GTF2H3: variants seen among roughly 807,000 people sequenced by gnomAD.
The protein encoded by GTF2H3 is general transcription factor IIH subunit 3, also known as TFIIH basal transcription factor complex p34 subunit.
A neutral mutation model predicts 51.1 loss-of-function variants in GTF2H3; 42 were observed. The observed-to-expected ratio is 0.82, with a 90% CI of 0.64 to 1.06. The LOEUF is 1.06. Among genes scored for constraint, GTF2H3 ranks in the 50% least tolerant of loss-of-function variants. GTF2H3 has a pLI of 0.00. For synonymous variants in GTF2H3, 123 were observed against 123.8 expected (o/e 0.99, Z 0.04); for missense variants, 326 against 366.1 (o/e 0.89, Z 0.89).
chr12:123,654,178 T>C (rs1955554532), intron 7 of GTF2H3, among the ~76,000 whole-genome samples: 1 of 149,932 alleles, frequency 6.7e-6, no homozygotes. Flanking sequence ...GGTGTGTGTA[T>C]GTATTTGGGG....
intron 2 of GTF2H3, chr12:123,639,870 T>C (rs1195980393): frequency 4.8e-6 from 2 of 414,758 alleles, no homozygotes; most frequent in Non-Finnish European, 9.8e-6. Flanking sequence ...AGGTTTTACA[T>C]GTGCTCACTT....
chr12:123,652,274 G>A (rs1358541555), intron 5 of GTF2H3, among the ~76,000 whole-genome samples: 2 of 152,162 alleles, frequency 1.3e-5, no homozygotes, highest in Admixed American at 6.5e-5. Context: ...GTAAGAATAG[G>A]ACAGTCAAGT....
At chr12:123,658,998 A>G (rs899245443) in intron 9 of GTF2H3, among the ~76,000 whole-genome samples, 1 of 152,220 alleles carries the variant, frequency 6.6e-6, no homozygotes, top group Non-Finnish European at 1.5e-5. Flanking sequence ...TCAAAACCAC[A>G]ATGAGCTATT....
At chr12:123,648,842 C>CG (rs1955484868) in intron 4 of GTF2H3, among the ~76,000 whole-genome samples, 1 of 152,136 alleles carries the variant, frequency 6.6e-6, no homozygotes, top group South Asian at 2.1e-4. Context: ...TTTATAGGGA[C>CG]GGGGTCTCAC....
At position 123,659,938 on chromosome 12, in the gene GTF2H3, A is replaced by G. The variant is rs1439715036; in HGVS notation, c.820+8A>G. ...GTTCTGTGTGTTTGTCAAGTAAGTTAATGTACCTAGTTTTTCTTTTTTTTC... is the reference window on the plus strand; with the variant it reads ...GTTCTGTGTGTTTGTCAAGTAAGTTGATGTACCTAGTTTTTCTTTTTTTTC... On this transcript the variant is annotated splice_region_variant and intron_variant, in intron 11 of 12. Transcript: ENST00000543341. 3 of 1,610,960 alleles carry G rather than the reference A, an allele frequency of 1.9e-6. No individual in the cohort carries two copies. The highest frequency in any genetic ancestry group is 1.7e-6 in the Non-Finnish European group (2 of 1,179,354).
chr12:123,660,293 T>C lies in GTF2H3; in HGVS notation c.*58T>C. 1 of 1,250,852 alleles carries C rather than the reference T, an allele frequency of 8.0e-7. No individual in the cohort carries two copies. The highest frequency in any genetic ancestry group is 1.1e-6 in the Non-Finnish European group (1 of 877,562). 77.5% of individuals were successfully genotyped at this position (1,250,852 alleles called of 1,614,324 possible). On this transcript the variant is annotated 3_prime_UTR_variant, in exon 13 of 13. Coordinates refer to ENST00000543341, the MANE Select transcript of GTF2H3 (RefSeq NM_001516.5). ...TTAATAGAAATTATATAGCAGATTC[T>C]TTGTTGGGAAGACTGAAAAAAATAA...
chr12:123,637,816 C>A (rs999463213), intron 1 of GTF2H3, among the ~76,000 whole-genome samples: 1 of 152,076 alleles, frequency 6.6e-6, no homozygotes, highest in South Asian at 2.1e-4. Flanking sequence ...AAAAGTGACT[C>A]TTAATTACGA....
chr12:123,649,416 T>A (rs1955492529), intron 4 of GTF2H3: 1 of 152,308 alleles, frequency 6.6e-6, no homozygotes, highest in Non-Finnish European at 1.5e-5. Context: ...ATCCCCCAGT[T>A]GTGACAACCA....
At position 123,660,222 on chromosome 12, in the gene GTF2H3, A is replaced by G. The variant is rs1224312811; in HGVS notation, c.914A>G (p.Lys305Arg). ...PVLKAKKKKL[K>R]VSA is the part of the protein sequence containing the mutation. ...CTGAAAGCCAAGAAAAAGAAACTGA[A>G]AGTGTCTGCCTGAGGATAAAATATT... is the stretch of plus-strand genomic sequence containing the variant. The change falls in exon 13 of 13, where the codon AAA becomes AGA. Residue 305 changes from lysine (K) to arginine (R), a missense_variant. Lys to Arg is a conservative substitution (Grantham distance 26). Coordinates refer to ENST00000543341, the MANE Select transcript of GTF2H3 (RefSeq NM_001516.5). 5 of 1,609,358 alleles carry G rather than the reference A, an allele frequency of 3.1e-6. No individual in the cohort carries two copies. The highest frequency in any genetic ancestry group is 2.7e-5 in the African/African-American group (2 of 74,756).
At chr12:123,636,632 A>C (rs1955287745) in intron 1 of GTF2H3, among the ~76,000 whole-genome samples, 1 of 152,178 alleles carries the variant, frequency 6.6e-6, no homozygotes. Flanking sequence ...AAAATTAGCC[A>C]AGTGGCTGGG....
In GTF2H3 at chr12:123,662,135, C is replaced by CA. The variant is rs34339027; in HGVS notation, c.*1921dup. The CA allele has an allele frequency of 5.3e-3, 427 of 80,278 alleles. 4 individuals carry two copies. Among genetic ancestry groups the CA allele is most frequent in the Middle Eastern group, 0.013 (2 of 154 alleles). The allele number at this position is 80,278 out of a possible 1,614,324, so 5.0% of individuals were successfully genotyped here. A position where few individuals can be genotyped will look rare whatever the true frequency, so the allele number is the denominator to read the frequency against. ...GGGCGACAAGAACAAAACTCTGTCT[C>CA]AAAAAAAAAAAAAAAAAAAAAGTCT... On this transcript the variant is annotated 3_prime_UTR_variant, in exon 13 of 13. Transcript: ENST00000543341.
chr12:123,653,424 G>A (rs566572223), intron 7 of GTF2H3, among the ~76,000 whole-genome samples: 2 of 152,056 alleles, frequency 1.3e-5, no homozygotes, highest in African/African-American at 4.8e-5. Flanking sequence ...CACTTTGGGA[G>A]GCCAAGGCGG....
At chr12:123,657,838 G>T (rs11572997) in intron 9 of GTF2H3, among the ~76,000 whole-genome samples, 373 of 152,302 alleles carry the variant, frequency 2.4e-3, no homozygotes, top group African/African-American at 8.1e-3. Context: ...TAGGATCGGA[G>T]CTAGGGTTTT....
chr12:123,651,211 G>T lies in GTF2H3; in HGVS notation c.427+155G>T, dbSNP rs144416237. The T allele has an allele frequency of 1.5e-3, 835 of 552,278 alleles. 5 individuals carry two copies. Among genetic ancestry groups the T allele is most frequent in the African/African-American group, 0.014 (739 of 52,132 alleles). The allele number at this position is 552,278 out of a possible 1,614,324, so 34.2% of individuals were successfully genotyped here. On this transcript the variant is annotated intron_variant, in intron 5 of 12. Coordinates refer to ENST00000543341, the MANE Select transcript of GTF2H3 (RefSeq NM_001516.5). ...TTAAAAAATAGTTTACATTGGCTTT[G>T]AATTTTTTTTTCTTTTTTTGAGACA... is the stretch of plus-strand genomic sequence containing the variant.
At position 123,655,955 on chromosome 12, in the gene GTF2H3, A is replaced by G. The variant is rs1039561697; in HGVS notation, c.615+131A>G. On this transcript the variant is annotated intron_variant, in intron 9 of 12. Coordinates refer to ENST00000543341, the MANE Select transcript of GTF2H3 (RefSeq NM_001516.5). The stretch of plus-strand genomic sequence containing the variant: ...TATGTTATTCAGCCTAATTTTATCT[A>G]TGTCTTTCCCCCTTACGTATGGAGC... The G allele has an allele frequency of 9.9e-6, 6 of 607,480 alleles. No individual in the cohort carries two copies. In the East Asian group the frequency reaches 1.1e-4, roughly 11 times the overall value. The allele number at this position is 607,480 out of a possible 1,614,324, so 37.6% of individuals were successfully genotyped here.
chr12:123,657,956 T>G (rs1955607746), intron 9 of GTF2H3, among the ~76,000 whole-genome samples: 1 of 152,258 alleles, frequency 6.6e-6, no homozygotes, highest in Non-Finnish European at 1.5e-5. Context: ...GAAACCTTAG[T>G]GTCAGCAACC....
intron 9 of GTF2H3, among the ~76,000 whole-genome samples, chr12:123,657,249 G>A (rs750396883): frequency 1.1e-4 from 16 of 151,594 alleles, no homozygotes; most frequent in Admixed American, 1.3e-4. Flanking sequence ...TTGCTCACTT[G>A]CTTAAAACCC....
Position 123,648,090 on chromosome 12 carries a change from G to T in GTF2H3, c.328G>T (p.Val110Phe). Residue 110 changes from valine to phenylalanine, a missense_variant, in exon 4 of 13, where the codon GTT becomes TTT. By Grantham distance (50) the Val-to-Phe change is conservative. Transcript: ENST00000543341. ...CGAACTTTTAACCTCAGCAAATGAA[G>T]TTATTGTTGAAGAGATTAAAGATCT... ...KYELLTSANEVIVEEIKDLMT... is the reference protein window; with the variant it reads ...KYELLTSANEFIVEEIKDLMT... The T allele has an allele frequency of 1.9e-6, 3 of 1,610,164 alleles. No homozygotes were observed. The South Asian group carries it at 3.3e-5, about 18-fold the overall frequency.
intron 1 of GTF2H3, among the ~76,000 whole-genome samples, chr12:123,637,381 C>A (rs563496632): frequency 1.9e-4 from 29 of 152,044 alleles, no homozygotes; most frequent in Admixed American, 1.3e-3. Context: ...TTAAAAAAAA[C>A]CCAAAAAACA....
Sources: allele counts gnomAD v4.1 joint callset (sites outside exome capture counted in the v4.1 genomes callset), GRCh38; gene constraint gnomAD v4.1.1; transcripts MANE v1.5; gene names NCBI Gene and HGNC (gene_info 2026-07-23, HGNC 2026-07-21).